PYGL: variants seen among roughly 807,000 people sequenced by gnomAD.
PYGL encodes the protein glycogen phosphorylase L.
A neutral mutation model predicts 100.1 loss-of-function variants in PYGL; 90 were observed. The ratio of observed to expected loss-of-function variants is 0.90; its 90% CI spans 0.76 to 1.07. PYGL has a LOEUF of 1.07. Among genes scored for constraint, PYGL ranks in the 50% least tolerant of loss-of-function variants. The pLI is 0.00. For missense variants in PYGL, 1,016 were observed against 1,057.6 expected, an observed-to-expected ratio of 0.96 and a Z score of 0.55; for synonymous variants, 373 against 393.0, an observed-to-expected ratio of 0.95 and a Z score of 0.60.
At chr14:50,942,184 G>T (rs201943093) in intron 1 of PYGL, among the ~76,000 whole-genome samples, 2 of 94,368 alleles carry the variant, frequency 2.1e-5, no homozygotes, top group Non-Finnish European at 5.0e-5. Flanking sequence ...TGATGAACAC[G>T]TGTGGAATGA....
In PYGL at chr14:50,924,072, T is replaced by C. The variant is rs774108992; in HGVS notation, c.557A>G (p.Tyr186Cys). 2 of 1,613,888 alleles carry C rather than the reference T, an allele frequency of 1.2e-6. No homozygotes were observed. Among genetic ancestry groups the C allele is most frequent in the Admixed American group, 1.7e-5 (1 of 60,018 alleles). Residue 186 changes from tyrosine (Y) to cysteine (C), a missense_variant, in exon 5 of 20, where the codon TAT (tyrosine) becomes TGT (cysteine). By Grantham distance (194) the Tyr-to-Cys change is radical. Transcript: ENST00000216392. ...GCGGGACTTCTCCCAAGGGTTTCCA[T>C]ATCTGAGCCAATCATCTGCTTCTTC... ...QVEEADDWLR[Y>C]GNPWEKSRPE...
At chr14:50,931,604 A>T (rs1422037787) in intron 4 of PYGL, 69 bp downstream of exon 4, 13 of 1,394,624 alleles carry the variant, frequency 9.3e-6, no homozygotes, top group Non-Finnish European at 1.2e-5. Flanking sequence ...TCCATATATT[A>T]TAAATCATCC....
intron 4 of PYGL, among the ~76,000 whole-genome samples, chr14:50,926,350 C>G (rs1466161814): frequency 2.0e-5 from 3 of 151,544 alleles, no homozygotes; most frequent in African/African-American, 7.3e-5. Flanking sequence ...GACTCCATCT[C>G]AAAAAATAAA....
intron 13 of PYGL, among the ~76,000 whole-genome samples, chr14:50,912,659 A>C (rs941581490): frequency 1.3e-5 from 2 of 152,162 alleles, no homozygotes; most frequent in Non-Finnish European, 2.9e-5. Flanking sequence ...CTGTTTTTAA[A>C]AACTACAGGA....
intron 16 of PYGL, among the ~76,000 whole-genome samples, chr14:50,910,606 C>A (rs1183666488): frequency 1.3e-5 from 2 of 152,112 alleles, no homozygotes; most frequent in African/African-American, 4.8e-5. Flanking sequence ...CAAGCGAGCA[C>A]CACCATGTCC....
At chr14:50,927,541 G>C (rs2050562599) in intron 4 of PYGL, among the ~76,000 whole-genome samples, 1 of 151,798 alleles carries the variant, frequency 6.6e-6, no homozygotes, top group East Asian at 1.9e-4. Flanking sequence ...GCTCTTTTGA[G>C]GGTACACTCT....
intron 11 of PYGL, chr14:50,915,054 G>C (rs1172653779): frequency 3.2e-6 from 2 of 619,382 alleles, no homozygotes; most frequent in Non-Finnish European, 2.8e-6. Context: ...TCTTCACACT[G>C]ACATATATAC....
At chr14:50,931,927 A>G (rs2050604505) in intron 3 of PYGL, 151 bp from the exon 4 acceptor site, 2 of 638,438 alleles carry the variant, frequency 3.1e-6, no homozygotes, top group African/African-American at 1.8e-5. Context: ...CACAATGGGT[A>G]TTGATTTTTA....
intron 10 of PYGL, 80 bp downstream of exon 10, chr14:50,915,745 T>C: frequency 6.5e-7 from 1 of 1,539,810 alleles, no homozygotes; most frequent in Non-Finnish European, 8.9e-7. Context: ...AGATGTTTGG[T>C]AAGAGGGAAC....
At chr14:50,937,677 T>C in intron 2 of PYGL, 59 bp downstream of exon 2, 3 of 1,497,744 alleles carry the variant, frequency 2.0e-6, no homozygotes, top group Non-Finnish European at 2.8e-6. Context: ...TCCCCAAGTT[T>C]CCTGAAGTGC....
In PYGL at chr14:50,912,007, C is replaced by A. The variant is rs770807009; in HGVS notation, c.1798G>T (p.Val600Leu). ...CCACCAATGATAACTGTCCTTGGCACGAATAACTTCTTAGGGTCTTTCTTA... is the reference window on the plus strand; with the variant it reads ...CCACCAATGATAACTGTCCTTGGCAAGAATAACTTCTTAGGGTCTTTCTTA... ...RIKKDPKKLF[V>L]PRTVIIGGKA... is the part of the protein sequence containing the mutation. The change falls in exon 15 of 20, where the codon GTG becomes TTG. Residue 600 changes from valine to leucine, a missense_variant. Val to Leu is a conservative substitution (Grantham distance 32). Transcript: ENST00000216392. 6.2e-7 allele frequency: 1 copy of A among 1,613,910 alleles called. No homozygotes were observed. Among genetic ancestry groups the A allele is most frequent in the South Asian group, 1.1e-5 (1 of 91,070 alleles).
chr14:50,930,731 C>G (rs1310051246), intron 4 of PYGL, among the ~76,000 whole-genome samples: 1 of 152,114 alleles, frequency 6.6e-6, no homozygotes, highest in Non-Finnish European at 1.5e-5. Flanking sequence ...AGTCCCTGAG[C>G]GTTCTCTTGT....
At chr14:50,916,184 CTT>C (rs1566503538) in intron 9 of PYGL, among the ~76,000 whole-genome samples, 1 of 152,228 alleles carries the variant, frequency 6.6e-6, no homozygotes. Context: ...ACTGGTGAAA[CTT>C]AAGACAGCAT....
intron 19 of PYGL, 99 bp from the exon 20 acceptor site, chr14:50,905,655 A>C: frequency 1.8e-6 from 2 of 1,141,876 alleles, no homozygotes; most frequent in African/African-American, 1.5e-5. Context: ...TCATGAGGGA[A>C]AATGACAGGA....
chr14:50,916,854 CTA>C lies in PYGL; in HGVS notation c.999+106_999+107del, dbSNP rs2050456583. ...CCTTCTATGAAAGACTTGATGCACACTATTCCTGCTCAACGTTGTTAGCACTG... is the reference window on the plus strand; with the variant it reads ...CCTTCTATGAAAGACTTGATGCACACTTCCTGCTCAACGTTGTTAGCACTG... On this transcript the variant is annotated intron_variant, in intron 8 of 19. Coordinates refer to ENST00000216392, the MANE Select transcript of PYGL (RefSeq NM_002863.5). The C allele has an allele frequency of 2.6e-6, 4 of 1,550,938 alleles. No individual in the cohort carries two copies. The East Asian group carries it at 9.0e-5, about 35-fold the overall frequency.
At chr14:50,937,904 A>T in intron 1 of PYGL, 67 bp from the exon 2 acceptor site, 2 of 1,356,676 alleles carry the variant, frequency 1.5e-6, no homozygotes, top group Non-Finnish European at 2.1e-6. Flanking sequence ...TAAAAACACA[A>T]GGTCATGTGT....
chr14:50,905,267 C>T lies in PYGL; in HGVS notation c.*125G>A. On this transcript the variant is annotated 3_prime_UTR_variant, in exon 20 of 20. Coordinates refer to ENST00000216392, the MANE Select transcript of PYGL (RefSeq NM_002863.5). ...TTTTAAGCTCTATTACATATAATTT[C>T]CCTCCCCATTCCCAGAGATACTCAA... 9.9e-7 allele frequency: 1 copy of T among 1,005,286 alleles called. No homozygotes were observed. The highest frequency in any genetic ancestry group is 1.4e-5 in the South Asian group (1 of 69,662). The allele number at this position is 1,005,286 out of a possible 1,614,324, so 62.3% of individuals were successfully genotyped here.
chr14:50,927,188 C>T (rs1182631479), intron 4 of PYGL, among the ~76,000 whole-genome samples: 1 of 152,034 alleles, frequency 6.6e-6, no homozygotes, highest in African/African-American at 2.4e-5. Context: ...GTCCCTGACT[C>T]CTGTGGAAGT....
chr14:50,937,690 A>G (rs1285475735), intron 2 of PYGL, 46 bp downstream of exon 2: 8 of 1,550,190 alleles, frequency 5.2e-6, no homozygotes, highest in African/African-American at 4.1e-5. Context: ...TGAAGTGCAC[A>G]TGAAATTTAA....
Sources: allele counts gnomAD v4.1 joint callset (sites outside exome capture counted in the v4.1 genomes callset), GRCh38; gene constraint gnomAD v4.1.1; transcripts MANE v1.5; gene names NCBI Gene and HGNC (gene_info 2026-07-23, HGNC 2026-07-21).